The following CEP350 variants were observed in gnomAD, a reference collection of about 807,000 sequenced individuals.
CEP350 encodes the protein centrosomal protein 350.
In CEP350, 126 loss-of-function variants were observed where a neutral mutation model predicts 331.8. The observed-to-expected ratio is 0.38, with a 90% CI of 0.33 to 0.44. The LOEUF is 0.44. Ranked by LOEUF, CEP350 falls within the 20% of genes least tolerant of loss-of-function variation. The probability of loss-of-function intolerance (pLI) is 1.00; values close to 1 mark genes in which losing one functional copy is unlikely to be tolerated. For synonymous variants in CEP350, 1,200 were observed against 1,259.5 expected (o/e 0.95, Z 1.00); for missense variants, 3,406 against 3,634.6 (o/e 0.94, Z 1.62).
intron 26 of CEP350, among the ~76,000 whole-genome samples, chr1:180,063,709 A>G (rs997153870): frequency 3.3e-5 from 5 of 152,088 alleles, no homozygotes; most frequent in Admixed American, 1.3e-4. Context: ...GCTACTTGCG[A>G]GGCTGAGGTG....
At chr1:179,969,683 G>A (rs975532321) in intron 1 of CEP350, among the ~76,000 whole-genome samples, 2 of 152,090 alleles carry the variant, frequency 1.3e-5, no homozygotes, top group Admixed American at 6.5e-5. Context: ...GCTGGGTGTG[G>A]TGGTGTGTGC....
chr1:180,037,425 T>A (rs1481892229), intron 17 of CEP350, among the ~76,000 whole-genome samples: 1 of 151,808 alleles, frequency 6.6e-6, no homozygotes, highest in Non-Finnish European at 1.5e-5. Context: ...TTTTTTTTTT[T>A]TTTAAGTTCT....
intron 21 of CEP350, among the ~76,000 whole-genome samples, chr1:180,044,538 G>A (rs985172353): frequency 2.0e-5 from 3 of 151,896 alleles, no homozygotes. Context: ...GGACATGGAT[G>A]AAACTGGAAA....
intron 8 of CEP350, among the ~76,000 whole-genome samples, chr1:180,011,632 G>A (rs1469921188): frequency 6.6e-6 from 1 of 152,106 alleles, no homozygotes; most frequent in Non-Finnish European, 1.5e-5. Context: ...AGTACAGACA[G>A]GGTTTTGCCA....
chr1:180,046,405 A>G (rs956327790), intron 21 of CEP350, among the ~76,000 whole-genome samples: 2 of 152,174 alleles, frequency 1.3e-5, no homozygotes, highest in African/African-American at 4.8e-5. Context: ...ATGTTGTAGC[A>G]TGTATCACTA....
At position 180,093,969 on chromosome 1, in the gene CEP350, G is replaced by T. The variant is rs185684644; in HGVS notation, c.7864G>T (p.Asp2622Tyr). The T allele has an allele frequency of 1.2e-6, 2 of 1,613,844 alleles. No individual in the cohort carries two copies. Among genetic ancestry groups the T allele is most frequent in the Non-Finnish European group, 1.7e-6 (2 of 1,179,824 alleles). The change falls in exon 34 of 38, where the codon GAT (aspartate) becomes TAT (tyrosine). Residue 2622 changes from aspartate (D) to tyrosine (Y), a missense_variant. By Grantham distance (160) the Asp-to-Tyr change is radical. Transcript: ENST00000367607. ...TGAGAAATCCCTACCTAGTGTGAATGATATAGAAGCCTCAGTTAATAGAAG... is the reference window on the plus strand; with the variant it reads ...TGAGAAATCCCTACCTAGTGTGAATTATATAGAAGCCTCAGTTAATAGAAG... ...FYEKSLPSVN[D>Y]IEASVNRSRS... is the part of the protein sequence containing the mutation.
intron 5 of CEP350, among the ~76,000 whole-genome samples, chr1:179,993,947 C>T (rs1168909533): frequency 6.6e-6 from 1 of 152,158 alleles, no homozygotes; most frequent in Non-Finnish European, 1.5e-5. Flanking sequence ...GTGTAACTTC[C>T]TCTATTAAAA....
At chr1:179,958,934 A>G (rs1171744152) in intron 1 of CEP350, among the ~76,000 whole-genome samples, 1 of 152,198 alleles carries the variant, frequency 6.6e-6, no homozygotes, top group African/African-American at 2.4e-5. Flanking sequence ...GACATTAAAC[A>G]TGTTATTCCT....
Position 179,967,652 on chromosome 1 carries a change from T to C in CEP350, c.-14+12510T>C, listed in dbSNP as rs1651116963. Among the ~76,000 whole-genome samples the C allele has an allele frequency of 5.3e-5, 8 of 152,200 alleles. No individual in the cohort carries two copies. The South Asian group carries it at 1.7e-3, about 32-fold the overall frequency. On this transcript the variant is annotated intron_variant, in intron 1 of 37. Transcript: ENST00000367607. The stretch of plus-strand genomic sequence containing the variant: ...GTCTCCAACTCCTGACCCCAGGTGA[T>C]CGCCCACCTCGGCCTCCCAAAGTGC...
chr1:179,983,082 C>T (rs1652398130), intron 1 of CEP350, among the ~76,000 whole-genome samples: 1 of 152,128 alleles, frequency 6.6e-6, no homozygotes, highest in African/African-American at 2.4e-5. Context: ...AGCCACCGCG[C>T]CCAGCCAAAA....
intron 14 of CEP350, among the ~76,000 whole-genome samples, chr1:180,024,874 T>C (rs115998852): frequency 0.083 from 12,648 of 152,130 alleles, 696 homozygotes; most frequent in Non-Finnish European, 0.12. Flanking sequence ...TAACTACTAT[T>C]AACATTTTTG....
intron 3 of CEP350, among the ~76,000 whole-genome samples, chr1:179,988,882 C>T (rs900047590): frequency 6.6e-6 from 1 of 151,938 alleles, no homozygotes; most frequent in African/African-American, 2.4e-5. Flanking sequence ...TATTTTGGCC[C>T]TATAAATATA....
intron 27 of CEP350, among the ~76,000 whole-genome samples, chr1:180,070,887 C>T (rs1472779690): frequency 1.3e-5 from 2 of 152,112 alleles, no homozygotes; most frequent in Non-Finnish European, 2.9e-5. Context: ...CCGTGGCTCA[C>T]GCCTGTAATC....
Position 180,094,516 on chromosome 1 carries a change from ATGT to A in CEP350, c.8414_8416del (p.Val2805del). 1.2e-6 allele frequency: 2 copies of A among 1,613,924 alleles called. No individual in the cohort carries two copies. Among genetic ancestry groups the A allele is most frequent in the South Asian group, 2.2e-5 (2 of 91,072 alleles). On this transcript the variant is annotated inframe_deletion, in exon 34 of 38. Transcript: ENST00000367607. ...GTAACACCCCAAGACCTATCCCAAA[ATGT>A]TGAGGAACAGTCGCCAAGTATTTCA...
chr1:179,989,039 T>C (rs1652853737), intron 3 of CEP350, among the ~76,000 whole-genome samples: 2 of 152,108 alleles, frequency 1.3e-5, no homozygotes, highest in Admixed American at 1.3e-4. Context: ...TCAAAACTAT[T>C]GGGTGTTTTT....
At chr1:180,017,779 A>G (rs981402691) in intron 11 of CEP350, among the ~76,000 whole-genome samples, 1 of 152,182 alleles carries the variant, frequency 6.6e-6, no homozygotes, top group African/African-American at 2.4e-5. Flanking sequence ...TCTTTATAGC[A>G]TATTGTGTTA....
At chr1:180,007,955 G>A (rs763418058) in intron 8 of CEP350, among the ~76,000 whole-genome samples, 6 of 149,450 alleles carry the variant, frequency 4.0e-5, no homozygotes, top group South Asian at 2.1e-4. Flanking sequence ...ATACATCCAC[G>A]AAACCATTTG....
chr1:179,964,764 C>T (rs1650880615), intron 1 of CEP350, among the ~76,000 whole-genome samples: 2 of 148,890 alleles, frequency 1.3e-5, no homozygotes, highest in Non-Finnish European at 3.0e-5. Flanking sequence ...AGGATCTTCT[C>T]ACTTTTTTTT....
chr1:179,986,031 T>C lies in CEP350; in HGVS notation c.-13-138T>C, dbSNP rs557724257. 2.4e-4 allele frequency: 150 copies of C among 621,088 alleles called. No individual in the cohort carries two copies. The African/African-American group carries it at 2.6e-3, about 11-fold the overall frequency. The allele number at this position is 621,088 out of a possible 1,614,324, so 38.5% of individuals were successfully genotyped here. A position where few individuals can be genotyped will look rare whatever the true frequency, so the allele number is the denominator to read the frequency against. On this transcript the variant is annotated intron_variant, in intron 1 of 37. Transcript: ENST00000367607. ...ATCTTTGCCAGCTGTTATTATTTTGTGTGTTTTTGATAGTAGCTTGTCCTA... is the reference window on the plus strand; with the variant it reads ...ATCTTTGCCAGCTGTTATTATTTTGCGTGTTTTTGATAGTAGCTTGTCCTA...
Sources: allele counts gnomAD v4.1 joint callset (sites outside exome capture counted in the v4.1 genomes callset), GRCh38; gene constraint gnomAD v4.1.1; transcripts MANE v1.5; gene names NCBI Gene and HGNC (gene_info 2026-07-23, HGNC 2026-07-21).